Variants in SORCS2 observed in about 807,000 individuals in gnomAD.
The protein encoded by SORCS2 is VPS10 domain-containing receptor SorCS2.
A neutral mutation model predicts 141.6 loss-of-function variants in SORCS2; 100 were observed. The observed-to-expected ratio is 0.71, with a 90% CI of 0.60 to 0.83. SORCS2 has a LOEUF of 0.83. SORCS2 is among the 40% of genes least tolerant of loss of function. SORCS2 has a pLI of 0.00. For missense variants in SORCS2, 1,646 were observed against 1,560.2 expected (o/e 1.05, Z -0.93); for synonymous variants, 789 against 676.9 (o/e 1.17, Z -2.57).
At chr4:7,270,128 G>A (rs567059801) in intron 1 of SORCS2, among the ~76,000 whole-genome samples, 186 of 152,342 alleles carry the variant, frequency 1.2e-3, no homozygotes, top group Non-Finnish European at 2.2e-3. Context: ...TGATCCTCCC[G>A]CCTTGGCCTC....
chr4:7,720,117 ACACT>A (rs1255934016), intron 18 of SORCS2, among the ~76,000 whole-genome samples: 5 of 152,276 alleles, frequency 3.3e-5, no homozygotes, highest in Admixed American at 2.0e-4. Context: ...AGATTTGTAC[ACACT>A]CACACACTGT....
chr4:7,690,107 A>G (rs1041540023), intron 11 of SORCS2, among the ~76,000 whole-genome samples: 1 of 141,412 alleles, frequency 7.1e-6, no homozygotes, highest in Non-Finnish European at 1.6e-5. Flanking sequence ...TGGATGATAC[A>G]TGATGGATGG....
At chr4:7,242,923 C>A (rs555721578) in intron 1 of SORCS2, among the ~76,000 whole-genome samples, 17 of 152,196 alleles carry the variant, frequency 1.1e-4, no homozygotes, top group African/African-American at 3.9e-4. Context: ...ACCGGGAAAA[C>A]GCTGGTTGGA....
At chr4:7,326,559 C>G (rs1379999663) in intron 1 of SORCS2, among the ~76,000 whole-genome samples, 1 of 152,130 alleles carries the variant, frequency 6.6e-6, no homozygotes, top group African/African-American at 2.4e-5. Flanking sequence ...CTGAACTGAA[C>G]ATTGGGGAAT....
intron 3 of SORCS2, among the ~76,000 whole-genome samples, chr4:7,550,124 A>ATGTGTGTG (rs1446623939): frequency 8.5e-5 from 6 of 70,232 alleles, no homozygotes; most frequent in African/African-American, 1.3e-4. Context: ...GTGTGTGTGT[A>ATGTGTGTG]TGTGTGTATG....
chr4:7,536,288 A>T (rs1243873969), intron 3 of SORCS2, among the ~76,000 whole-genome samples: 1 of 152,208 alleles, frequency 6.6e-6, no homozygotes, highest in Non-Finnish European at 1.5e-5. Flanking sequence ...ACCTGGGTTA[A>T]TGCATATACG....
At chr4:7,380,295 C>G (rs181211363) in intron 1 of SORCS2, among the ~76,000 whole-genome samples, 7 of 152,300 alleles carry the variant, frequency 4.6e-5, no homozygotes, top group Admixed American at 2.6e-4. Context: ...AAGTAACATT[C>G]ACAGGGGACA....
At chr4:7,313,637 T>C (rs1718348732) in intron 1 of SORCS2, among the ~76,000 whole-genome samples, 1 of 152,192 alleles carries the variant, frequency 6.6e-6, no homozygotes, top group South Asian at 2.1e-4. Flanking sequence ...AATGTCTCTT[T>C]TCCAGAAACT....
rs531935617 is a variant in SORCS2 at position 7,440,888 on chromosome 4, G to T, written c.548+44533G>T. ...GGGTGAGGGCTGCTGGGTACTAGGG[G>T]CTCAATGGGGATGAAGACGGATGAG... On this transcript the variant is annotated intron_variant, in intron 2 of 26. Transcript: ENST00000507866. 1.5e-3 allele frequency among the ~76,000 whole-genome samples: 233 copies of T among 152,352 alleles called. 1 individual carries two copies. The highest frequency in any genetic ancestry group is 6.8e-3 in the Middle Eastern group (2 of 294).
chr4:7,486,468 G>T (rs568752341), intron 2 of SORCS2, among the ~76,000 whole-genome samples: 101 of 152,316 alleles, frequency 6.6e-4, no homozygotes, highest in Non-Finnish European at 1.3e-3. Flanking sequence ...TTGCAAGAAG[G>T]TCCCATTCAG....
chr4:7,664,698 C>G lies in SORCS2; in HGVS notation c.1071+227C>G, dbSNP rs1343609047. ...TCAGGGACACTGAGGCTCCACCTCCCTTCTGGCCACCACGAACCTCCCAGC... is the reference window on the plus strand; with the variant it reads ...TCAGGGACACTGAGGCTCCACCTCCGTTCTGGCCACCACGAACCTCCCAGC... On this transcript the variant is annotated intron_variant, in intron 7 of 26. Transcript: ENST00000507866. The surrounding 1 kb of genome is among the most constrained non-coding windows in gnomAD (Gnocchi z 4.7). Among the ~76,000 whole-genome samples, 1 of 152,198 alleles carries G rather than the reference C, an allele frequency of 6.6e-6. No homozygotes were observed. Among genetic ancestry groups the G allele is most frequent in the Non-Finnish European group, 1.5e-5 (1 of 68,036 alleles).
intron 1 of SORCS2, among the ~76,000 whole-genome samples, chr4:7,214,537 G>A (rs923347209): frequency 1.3e-5 from 2 of 152,238 alleles, no homozygotes; most frequent in African/African-American, 4.8e-5. Flanking sequence ...AGGCTGGGCA[G>A]ATTCATTCAA....
chr4:7,382,229 C>T (rs1174541999), intron 1 of SORCS2, among the ~76,000 whole-genome samples: 4 of 152,132 alleles, frequency 2.6e-5, no homozygotes, highest in Non-Finnish European at 5.9e-5. Flanking sequence ...GTCTTGGTCT[C>T]CAAAGGTCTT....
intron 2 of SORCS2, among the ~76,000 whole-genome samples, chr4:7,398,204 G>A (rs75415472): frequency 0.028 from 4,211 of 152,296 alleles, 188 homozygotes; most frequent in Admixed American, 0.13. Flanking sequence ...CCTGGCATGG[G>A]GCCCAAAACC....
rs1340662754 is a variant in SORCS2, at chr4:7,244,890, G to C, written c.480+51764G>C. On this transcript the variant is annotated intron_variant, in intron 1 of 26. Transcript: ENST00000507866. ...GTGTGCTTAATATGCCAGTCAGCGA[G>C]GCTGGACCTGAGTACCCAGCCCAGC... Among the ~76,000 whole-genome samples the C allele has an allele frequency of 2.0e-5, 3 of 152,328 alleles. No individual in the cohort carries two copies. In the East Asian group the frequency reaches 5.8e-4, roughly 29 times the overall value.
At chr4:7,495,704 G>C (rs1474552190) in intron 2 of SORCS2, among the ~76,000 whole-genome samples, 1 of 152,224 alleles carries the variant, frequency 6.6e-6, no homozygotes, top group African/African-American at 2.4e-5. Context: ...ACGAAGAAGG[G>C]AGCGGCCTCT....
intron 4 of SORCS2, among the ~76,000 whole-genome samples, chr4:7,646,525 A>T (rs1045400813): frequency 7.9e-5 from 12 of 151,984 alleles, no homozygotes; most frequent in African/African-American, 2.9e-4. Flanking sequence ...GCACACTGAT[A>T]CTCCCAGGCA....
intron 8 of SORCS2, among the ~76,000 whole-genome samples, chr4:7,670,227 G>C (rs1167243183): frequency 6.6e-6 from 1 of 152,182 alleles, no homozygotes; most frequent in East Asian, 1.9e-4. Context: ...ATACCGTCCT[G>C]CTGTTTTAAT....
At chr4:7,446,192 GAGGGA>G (rs1218211143) in intron 2 of SORCS2, among the ~76,000 whole-genome samples, 1 of 151,930 alleles carries the variant, frequency 6.6e-6, no homozygotes, top group East Asian at 1.9e-4. Flanking sequence ...GAGGGGAGGG[GAGGGA>G]AGAAAAGAAC....
Sources: allele counts gnomAD v4.1 joint callset (sites outside exome capture counted in the v4.1 genomes callset), GRCh38; gene constraint gnomAD v4.1.1; non-coding constraint Gnocchi (gnomAD v3.1); transcripts MANE v1.5; gene names NCBI Gene and HGNC (gene_info 2026-07-23, HGNC 2026-07-21).